The following TBC1D1 variants were observed in gnomAD, a reference collection of about 807,000 sequenced individuals.
TBC1D1 encodes TBC1 (tre-2/USP6, BUB2, cdc16) domain family, member 1.
In TBC1D1, 89 loss-of-function variants were observed where a neutral mutation model predicts 125.6. That is an observed-to-expected ratio of 0.71 (90% CI 0.60 to 0.85). TBC1D1 has a LOEUF of 0.85. Ranked by LOEUF, TBC1D1 falls within the 40% of genes least tolerant of loss-of-function variation. The pLI is 0.00. For missense variants in TBC1D1, 1,377 were observed against 1,469.2 expected (o/e 0.94, Z 1.03); for synonymous variants, 565 against 564.1 (o/e 1.00, Z -0.02).
chr4:38,093,527 CTT>C lies in TBC1D1; in HGVS notation c.2237-2389_2237-2388del, dbSNP rs71658755. 7.1e-4 allele frequency among the ~76,000 whole-genome samples: 103 copies of C among 144,398 alleles called. 1 individual carries two copies. Among genetic ancestry groups the C allele is most frequent in the East Asian group, 2.9e-3 (14 of 4,870 alleles). 94.7% of individuals were successfully genotyped at this position (144,398 alleles called of 152,430 possible). Reference sequence around the variant, plus strand: ...CCTCTGCAAGGCCGTTTTCCCCCCCCTTTTTTTTTTTTTTGAGACAGAGTTTT... The same window carrying C: ...CCTCTGCAAGGCCGTTTTCCCCCCCCTTTTTTTTTTTTGAGACAGAGTTTT... On this transcript the variant is annotated intron_variant, in intron 13 of 19. Transcript: ENST00000261439.
chr4:38,056,512 T>C (rs1247511562), intron 12 of TBC1D1, among the ~76,000 whole-genome samples: 1 of 152,216 alleles, frequency 6.6e-6, no homozygotes, highest in Non-Finnish European at 1.5e-5. Flanking sequence ...TTATTTAAAT[T>C]TGGACTGGTT....
At chr4:38,092,964 C>T (rs1344505668) in intron 13 of TBC1D1, among the ~76,000 whole-genome samples, 1 of 152,032 alleles carries the variant, frequency 6.6e-6, no homozygotes, top group African/African-American at 2.4e-5. Context: ...AACTGGAGCA[C>T]TTGGAGAAAA....
intron 15 of TBC1D1, among the ~76,000 whole-genome samples, chr4:38,109,186 G>A (rs1263531693): frequency 3.3e-5 from 5 of 152,182 alleles, no homozygotes; most frequent in Non-Finnish European, 5.9e-5. Context: ...GTCCAGTTGG[G>A]GACGTTGCTG....
chr4:37,945,455 G>A (rs1349837627), intron 2 of TBC1D1, among the ~76,000 whole-genome samples: 8 of 134,732 alleles, frequency 5.9e-5, no homozygotes, highest in African/African-American at 2.3e-4. Flanking sequence ...GGAGGTTGCA[G>A]TGAGCCAAGA....
In TBC1D1 at chr4:37,939,373, G is replaced by C. The variant is rs187131213; in HGVS notation, c.417+36861G>C. On this transcript the variant is annotated intron_variant, in intron 2 of 19. Coordinates refer to ENST00000261439, the MANE Select transcript of TBC1D1 (RefSeq NM_015173.4). ...CCTTTGCCCACTTTTTGATAGGGTT[G>C]TTTTTTTCTTGTAAATTTGTTTGAG... Among the ~76,000 whole-genome samples, 376 of 151,146 alleles carry C rather than the reference G, an allele frequency of 2.5e-3. 3 individuals are homozygous for C. Among genetic ancestry groups the C allele is most frequent in the African/African-American group, 8.5e-3 (354 of 41,404 alleles).
In TBC1D1 at chr4:38,021,600, G is replaced by C. The variant is rs187586429; in HGVS notation, c.1092G>C (p.Met364Ile). The change falls in exon 6 of 20, where the codon ATG becomes ATC. Residue 364 changes from methionine (M) to isoleucine (I), a missense_variant. Physicochemically the swap from Met to Ile is conservative, Grantham distance 10 (BLOSUM62 1). This residue lies in a region of TBC1D1 where 822 missense variants were observed against 824.6 expected (regional missense o/e 1.00). Transcript: ENST00000261439. Reference sequence around the variant, plus strand: ...TCTTTGATTAGGTTGATGAAATTATGATGACCCTGAAACAGGCCTTCACGG... The same window carrying C: ...TCTTTGATTAGGTTGATGAAATTATCATGACCCTGAAACAGGCCTTCACGG... 29 of 1,557,810 alleles carry C rather than the reference G, an allele frequency of 1.9e-5. No homozygotes were observed. Among genetic ancestry groups the C allele is most frequent in the South Asian group, 4.8e-5 (4 of 84,182 alleles).
intron 7 of TBC1D1, among the ~76,000 whole-genome samples, chr4:38,028,948 A>G (rs575318126): frequency 6.6e-6 from 1 of 152,284 alleles, no homozygotes; most frequent in South Asian, 2.1e-4. Context: ...CAAACCTACA[A>G]AAACAAAACA....
At chr4:37,928,982 G>A (rs1722720334) in intron 2 of TBC1D1, among the ~76,000 whole-genome samples, 1 of 152,220 alleles carries the variant, frequency 6.6e-6, no homozygotes, top group South Asian at 2.1e-4. Flanking sequence ...TGTGGGTGAG[G>A]AAACAAAGAA....
Position 38,014,446 on chromosome 4 carries a change from A to G in TBC1D1, c.418-63A>G. On this transcript the variant is annotated intron_variant, in intron 2 of 19. Coordinates refer to ENST00000261439, the MANE Select transcript of TBC1D1 (RefSeq NM_015173.4). The surrounding 1 kb of genome is among the most constrained non-coding windows in gnomAD (Gnocchi z 5.1). The stretch of plus-strand genomic sequence containing the variant: ...GGGGCGTCCCGAAAGAGCATGGTGC[A>G]TTCATTCCGTGAGTGCCAGCCACAC... 1 of 1,519,662 alleles carries G rather than the reference A, an allele frequency of 6.6e-7. No individual in the cohort carries two copies. Among genetic ancestry groups the G allele is most frequent in the Middle Eastern group, 1.7e-4 (1 of 5,834 alleles). 94.1% of individuals were successfully genotyped at this position (1,519,662 alleles called of 1,614,324 possible).
intron 14 of TBC1D1, among the ~76,000 whole-genome samples, chr4:38,098,200 A>G (rs1435227465): frequency 6.6e-6 from 1 of 152,202 alleles, no homozygotes; most frequent in Non-Finnish European, 1.5e-5. Context: ...TTGGAGTTCT[A>G]ATATTCCTTG....
chr4:37,995,829 AG>A lies in TBC1D1; in HGVS notation c.418-18678del. ...ATTTGCATCCTCAGTCTTGGGGATC[AG>A]GTGCTGGATCCATGTGATCACCAGA... is the stretch of plus-strand genomic sequence containing the variant. On this transcript the variant is annotated intron_variant, in intron 2 of 19. Transcript: ENST00000261439. The surrounding 1 kb of genome is among the most constrained non-coding windows in gnomAD (Gnocchi z 4.3). 1 of 561,534 alleles carries A rather than the reference AG, an allele frequency of 1.8e-6. No homozygotes were observed. The highest frequency in any genetic ancestry group is 1.9e-5 in the Admixed American group (1 of 52,438). 34.8% of individuals were successfully genotyped at this position (561,534 alleles called of 1,614,324 possible).
chr4:38,003,611 T>C (rs571547107), intron 2 of TBC1D1, among the ~76,000 whole-genome samples: 2 of 152,310 alleles, frequency 1.3e-5, no homozygotes, highest in East Asian at 3.9e-4. Flanking sequence ...CTCATACCTA[T>C]AATCTCAGCA....
chr4:38,123,834 T>C (rs598715), intron 17 of TBC1D1, among the ~76,000 whole-genome samples: 106,359 of 152,114 alleles, frequency 0.7, 37,345 homozygotes, highest in East Asian at 0.76. Context: ...GTCTGTCATC[T>C]CTGCCTGTGC....
chr4:37,954,492 G>A (rs1033180622), intron 2 of TBC1D1, among the ~76,000 whole-genome samples: 2 of 152,092 alleles, frequency 1.3e-5, no homozygotes, highest in Admixed American at 6.6e-5. Flanking sequence ...ACAAAATTAG[G>A]GTTATTTTAG....
chr4:38,121,482 G>A (rs557020393), intron 17 of TBC1D1, among the ~76,000 whole-genome samples: 37 of 152,230 alleles, frequency 2.4e-4, no homozygotes, highest in African/African-American at 7.7e-4. Context: ...ATTTCCTGCC[G>A]GATAAAACGT....
rs1758183654 is a variant in TBC1D1 at position 38,090,111 on chromosome 4, C to G, written c.2230C>G (p.Leu744Val). Residue 744 changes from leucine (L) to valine (V), a missense_variant, in exon 13 of 20, where the codon CTC becomes GTC. By Grantham distance (32) the Leu-to-Val change is conservative. This residue lies in a region of TBC1D1 where 543 missense variants were observed against 613.5 expected (regional missense o/e 0.89). Transcript: ENST00000261439. Reference sequence around the variant, plus strand: ...TAGAATGGAGAAGGAAAATCAGAAGCTCCAAGGTTGGTTTGCCATCTTGAT... The same window carrying G: ...TAGAATGGAGAAGGAAAATCAGAAGGTCCAAGGTTGGTTTGCCATCTTGAT... 1 of 1,613,950 alleles carries G rather than the reference C, an allele frequency of 6.2e-7. No homozygotes were observed. The highest frequency in any genetic ancestry group is 8.5e-7 in the Non-Finnish European group (1 of 1,179,972).
intron 2 of TBC1D1, among the ~76,000 whole-genome samples, chr4:37,981,793 C>T (rs986678821): frequency 6.6e-6 from 1 of 151,986 alleles, no homozygotes; most frequent in East Asian, 1.9e-4. Context: ...AGTCAGAAGC[C>T]GTTAAAGATG....
intron 12 of TBC1D1, among the ~76,000 whole-genome samples, chr4:38,077,584 A>G (rs1244888453): frequency 6.6e-6 from 1 of 151,154 alleles, no homozygotes; most frequent in Non-Finnish European, 1.5e-5. Flanking sequence ...TAAATGTCAT[A>G]TGGCAGAAAT....
intron 2 of TBC1D1, among the ~76,000 whole-genome samples, chr4:37,910,023 A>G (rs1238710284): frequency 1.3e-5 from 2 of 152,148 alleles, no homozygotes; most frequent in African/African-American, 4.8e-5. Context: ...CACCAGATTG[A>G]TTACCTAATT....
Sources: allele counts gnomAD v4.1 joint callset (sites outside exome capture counted in the v4.1 genomes callset), GRCh38; gene constraint gnomAD v4.1.1; regional missense constraint gnomAD v4.1.1; non-coding constraint Gnocchi (gnomAD v3.1); transcripts MANE v1.5; gene names NCBI Gene and HGNC (gene_info 2026-07-23, HGNC 2026-07-21).